ZDHHC3: variants seen among roughly 807,000 people sequenced by gnomAD.
ZDHHC3 encodes zDHHC palmitoyltransferase 3, also known as palmitoyltransferase ZDHHC3.
In ZDHHC3, 9 loss-of-function variants were observed where a neutral mutation model predicts 30.6. The observed-to-expected ratio is 0.29, with a 90% confidence interval of 0.18 to 0.51. ZDHHC3 has a LOEUF of 0.51. ZDHHC3 is among the 20% of genes least tolerant of loss of function. The pLI, the probability that ZDHHC3 is intolerant of heterozygous loss-of-function variation, is 0.97. For missense variants in ZDHHC3, 246 were observed against 384.2 expected, an observed-to-expected ratio of 0.64 and a Z score of 3.01; for synonymous variants, 136 against 140.2, an observed-to-expected ratio of 0.97 and a Z score of 0.21.
chr3:44,946,754 T>C (rs1702973909), intron 2 of ZDHHC3, among the ~76,000 whole-genome samples: 1 of 152,096 alleles, frequency 6.6e-6, no homozygotes, highest in Non-Finnish European at 1.5e-5. Context: ...GCATGGCATA[T>C]CTGGGAGACA....
At chr3:44,927,194 A>G (rs1007204377) in intron 6 of ZDHHC3, among the ~76,000 whole-genome samples, 2 of 152,174 alleles carry the variant, frequency 1.3e-5, no homozygotes, top group African/African-American at 4.8e-5. Context: ...ACTCTTCAGA[A>G]ACTCTGTGCT....
chr3:44,968,049 T>C (rs753993018), intron 1 of ZDHHC3, among the ~76,000 whole-genome samples: 1 of 152,130 alleles, frequency 6.6e-6, no homozygotes, highest in African/African-American at 2.4e-5. Context: ...CAAGGTCGCA[T>C]TGAGTGAGGT....
Position 44,929,181 on chromosome 3 carries a change from G to T in ZDHHC3, c.741+125C>A, listed in dbSNP as rs73085643. 3,177 of 1,263,050 alleles carry T rather than the reference G, an allele frequency of 2.5e-3. 6 individuals are homozygous for T. Among genetic ancestry groups the T allele is most frequent in the Non-Finnish European group, 3.2e-3 (2,929 of 920,610 alleles). The allele number at this position is 1,263,050 out of a possible 1,614,324, so 78.2% of individuals were successfully genotyped here. On this transcript the variant is annotated intron_variant, in intron 6 of 6. Coordinates refer to ENST00000424952, the MANE Select transcript of ZDHHC3 (RefSeq NM_001135179.2). Reference sequence around the variant, plus strand: ...AGTGTAACTGCAAACAAAGAACTGTGCCCTGCACACCAGGGGCCTGACCAC... The same window carrying T: ...AGTGTAACTGCAAACAAAGAACTGTTCCCTGCACACCAGGGGCCTGACCAC...
intron 3 of ZDHHC3, among the ~76,000 whole-genome samples, chr3:44,943,912 T>C (rs6790296): frequency 0.59 from 88,976 of 151,942 alleles, 27,258 homozygotes; most frequent in East Asian, 0.9. Context: ...TGCTTGAGCC[T>C]GGGAGTCTGA....
chr3:44,971,767 G>C (rs1469782476), intron 1 of ZDHHC3, among the ~76,000 whole-genome samples: 1 of 152,156 alleles, frequency 6.6e-6, no homozygotes, highest in Non-Finnish European at 1.5e-5. Context: ...CTTTACCCAT[G>C]TATTACTAGC....
chr3:44,929,182 C>T, intron 6 of ZDHHC3, 124 bp downstream of exon 6: 2 of 1,272,674 alleles, frequency 1.6e-6, no homozygotes, highest in South Asian at 1.5e-5. Context: ...AAGAACTGTG[C>T]CCTGCACACC....
chr3:44,955,671 A>G (rs1382405037), intron 2 of ZDHHC3, among the ~76,000 whole-genome samples: 1 of 152,122 alleles, frequency 6.6e-6, no homozygotes, highest in Non-Finnish European at 1.5e-5. Flanking sequence ...AGACGACTGC[A>G]ATATTAATAA....
At chr3:44,947,094 T>C (rs1429619477) in intron 2 of ZDHHC3, among the ~76,000 whole-genome samples, 1 of 152,186 alleles carries the variant, frequency 6.6e-6, no homozygotes, top group Non-Finnish European at 1.5e-5. Flanking sequence ...CTACAAATGA[T>C]GGTAGGGAAC....
rs1191022412 is a variant in ZDHHC3 at position 44,919,087 on chromosome 3, T to C, written c.*7602A>G. The C allele has an allele frequency of 1.0e-6, 1 of 985,270 alleles. No homozygotes were observed. The highest frequency in any genetic ancestry group is 1.7e-5 in the African/African-American group (1 of 57,238). The allele number at this position is 985,270 out of a possible 1,614,324, so 61.0% of individuals were successfully genotyped here. On this transcript the variant is annotated 3_prime_UTR_variant, in exon 7 of 7. Coordinates refer to ENST00000424952, the MANE Select transcript of ZDHHC3 (RefSeq NM_001135179.2). The stretch of plus-strand genomic sequence containing the variant: ...ACGCCATTTCAGAGATTTAAGATTC[T>C]TGACTTTTGAATAAATTCTAAGTTA...
At chr3:44,929,159 G>T in intron 6 of ZDHHC3, 147 bp downstream of exon 6, 1 of 1,080,498 alleles carries the variant, frequency 9.3e-7, no homozygotes, top group Non-Finnish European at 1.3e-6. Flanking sequence ...TGACCCAAGT[G>T]TAACTGCAAA....
rs1341726455 is a variant in ZDHHC3, at chr3:44,918,694, C to T, written c.*7995G>A. 2 of 995,596 alleles carry T rather than the reference C, an allele frequency of 2.0e-6. No homozygotes were observed. The highest frequency in any genetic ancestry group is 1.7e-5 in the African/African-American group (1 of 57,480). The allele number at this position is 995,596 out of a possible 1,614,324, so 61.7% of individuals were successfully genotyped here. A position where few individuals can be genotyped will look rare whatever the true frequency, so the allele number is the denominator to read the frequency against. The stretch of plus-strand genomic sequence containing the variant: ...GCAAGTGCCAACATGCATTAGGCAG[C>T]CGGAGGGCACACAGGACCACTGTGG... On this transcript the variant is annotated 3_prime_UTR_variant, in exon 7 of 7. Coordinates refer to ENST00000424952, the MANE Select transcript of ZDHHC3 (RefSeq NM_001135179.2).
chr3:44,941,515 A>G (rs1702437881), intron 3 of ZDHHC3, among the ~76,000 whole-genome samples: 1 of 152,180 alleles, frequency 6.6e-6, no homozygotes. Context: ...AGTAATCATA[A>G]CCATGAGAAA....
At chr3:44,955,859 G>A (rs1336401609) in intron 2 of ZDHHC3, among the ~76,000 whole-genome samples, 1 of 152,176 alleles carries the variant, frequency 6.6e-6, no homozygotes, top group Non-Finnish European at 1.5e-5. Flanking sequence ...GTGGTAGCAT[G>A]AAGACCCTAA....
intron 2 of ZDHHC3, among the ~76,000 whole-genome samples, chr3:44,957,448 T>C (rs945567008): frequency 6.6e-6 from 1 of 152,174 alleles, no homozygotes; most frequent in Non-Finnish European, 1.5e-5. Context: ...ACTTGTAAAA[T>C]GACAGTTTTG....
Position 44,922,339 on chromosome 3 carries a change from T to C in ZDHHC3, c.*4350A>G. The stretch of plus-strand genomic sequence containing the variant: ...CTGGAGGTCCCTTGGTTCTACTCTT[T>C]TCTCTTTCCCTTCCGGGCTGCTTCT... On this transcript the variant is annotated 3_prime_UTR_variant, in exon 7 of 7. Transcript: ENST00000424952. The C allele has an allele frequency of 1.0e-6, 1 of 985,400 alleles. No individual in the cohort carries two copies. Among genetic ancestry groups the C allele is most frequent in the African/African-American group, 1.7e-5 (1 of 57,338 alleles). The allele number at this position is 985,400 out of a possible 1,614,324, so 61.0% of individuals were successfully genotyped here.
At position 44,920,756 on chromosome 3, in the gene ZDHHC3, T is replaced by G. The variant is rs953830214; in HGVS notation, c.*5933A>C. On this transcript the variant is annotated 3_prime_UTR_variant, in exon 7 of 7. Transcript: ENST00000424952. ...GCCATTCATGTGGCATGCTCCCAGA[T>G]AGGCACTCTTGGATTATACTCAACC... The G allele has an allele frequency of 2.0e-6, 2 of 985,386 alleles. No individual in the cohort carries two copies. Among genetic ancestry groups the G allele is most frequent in the Non-Finnish European group, 2.4e-6 (2 of 829,922 alleles). The allele number at this position is 985,386 out of a possible 1,614,324, so 61.0% of individuals were successfully genotyped here.
At chr3:44,943,860 T>C (rs1281506373) in intron 3 of ZDHHC3, among the ~76,000 whole-genome samples, 2 of 152,078 alleles carry the variant, frequency 1.3e-5, no homozygotes, top group African/African-American at 4.8e-5. Context: ...TGGTGGTGCA[T>C]GCCTGTAGTC....
chr3:44,969,366 T>G (rs1216857151), intron 1 of ZDHHC3, among the ~76,000 whole-genome samples: 1 of 152,088 alleles, frequency 6.6e-6, no homozygotes. Flanking sequence ...GATTCTCACA[T>G]CTACTCTATT....
chr3:44,942,782 A>T (rs1426890872), intron 3 of ZDHHC3, among the ~76,000 whole-genome samples: 1 of 152,238 alleles, frequency 6.6e-6, no homozygotes, highest in African/African-American at 2.4e-5. Context: ...TGAGGCTCAG[A>T]AAGATGCAGC....
Sources: allele counts gnomAD v4.1 joint callset (sites outside exome capture counted in the v4.1 genomes callset), GRCh38; gene constraint gnomAD v4.1.1; transcripts MANE v1.5; gene names NCBI Gene and HGNC (gene_info 2026-07-23, HGNC 2026-07-21).